The following ZMAT5 variants were observed in gnomAD, a reference collection of about 807,000 sequenced individuals.
ZMAT5 encodes zinc finger matrin-type 5.
In ZMAT5, 23 loss-of-function variants were observed where a neutral mutation model predicts 28.0. The observed-to-expected ratio is 0.82, with a 90% confidence interval of 0.59 to 1.16. The LOEUF is 1.16. Ranked by LOEUF, ZMAT5 falls within the 50% of genes most tolerant of loss-of-function variation. ZMAT5 has a pLI of 0.00. For synonymous variants in ZMAT5, 76 were observed against 84.1 expected, an observed-to-expected ratio of 0.90 and a Z score of 0.52; for missense variants, 173 against 212.7, an observed-to-expected ratio of 0.81 and a Z score of 1.16.
chr22:29,756,012 T>TTG (rs1454180397), intron 1 of ZMAT5, among the ~76,000 whole-genome samples: 7 of 152,252 alleles, frequency 4.6e-5, no homozygotes, highest in Non-Finnish European at 1.0e-4. Context: ...ATTCCTTTCG[T>TTG]TGTGTGTGTC....
At chr22:29,746,977 C>T (rs922987014) in intron 2 of ZMAT5, 1 of 152,238 alleles carries the variant, frequency 6.6e-6, no homozygotes, top group African/African-American at 2.4e-5. Context: ...ACAGCCACGC[C>T]TGGCCTGCTG....
chr22:29,748,484 G>T lies in ZMAT5; in HGVS notation c.61C>A (p.Arg21Ser). ...TGCAGCCCGTTCAGGTGCTTCTTGCGGTTGTGGAGGTTGTCCTGGAAGGAG... is the reference window on the plus strand; with the variant it reads ...TGCAGCCCGTTCAGGTGCTTCTTGCTGTTGTGGAGGTTGTCCTGGAAGGAG... ...DRSFQDNLHN[R>S]KKHLNGLQHL... is the part of the protein sequence containing the mutation. The change falls in exon 2 of 6, where the codon CGC (arginine) becomes AGC (serine). Residue 21 changes from arginine (R) to serine (S), a missense_variant. By Grantham distance (110) the Arg-to-Ser change is moderately radical. Coordinates refer to ENST00000344318, the MANE Select transcript of ZMAT5 (RefSeq NM_001003692.2). 6.2e-7 allele frequency: 1 copy of T among 1,614,256 alleles called. No homozygotes were observed. Among genetic ancestry groups the T allele is most frequent in the Non-Finnish European group, 8.5e-7 (1 of 1,180,050 alleles).
At chr22:29,738,522 A>C in intron 4 of ZMAT5, 81 bp from the exon 5 acceptor site, 1 of 1,293,428 alleles carries the variant, frequency 7.7e-7, no homozygotes, top group South Asian at 1.2e-5. Context: ...AGCAGAAGCA[A>C]CTGGTAGGCC....
intron 1 of ZMAT5, among the ~76,000 whole-genome samples, chr22:29,749,716 G>A (rs956141878): frequency 7.2e-5 from 11 of 152,272 alleles, no homozygotes; most frequent in Middle Eastern, 3.4e-3. Context: ...CAGGTGTCCA[G>A]GGAGAGACCA....
intron 5 of ZMAT5, among the ~76,000 whole-genome samples, chr22:29,733,745 T>C (rs891219110): frequency 1.3e-5 from 2 of 152,168 alleles, no homozygotes; most frequent in East Asian, 3.9e-4. Flanking sequence ...CCTCAGGCCC[T>C]TCCTCTAGAA....
At chr22:29,765,608 G>A (rs1317152205) in intron 1 of ZMAT5, among the ~76,000 whole-genome samples, 1 of 151,496 alleles carries the variant, frequency 6.6e-6, no homozygotes, top group African/African-American at 2.4e-5. Flanking sequence ...GGTGGCTCAC[G>A]CCTGTAATCC....
chr22:29,746,296 C>T (rs2068008254), intron 2 of ZMAT5: 1 of 152,038 alleles, frequency 6.6e-6, no homozygotes, highest in Non-Finnish European at 1.5e-5. Flanking sequence ...TTACAGGAAC[C>T]CACCACCACG....
intron 2 of ZMAT5, among the ~76,000 whole-genome samples, chr22:29,744,716 G>A (rs1170993476): frequency 1.3e-5 from 2 of 152,190 alleles, no homozygotes; most frequent in East Asian, 3.8e-4. Context: ...CCTGACCCCA[G>A]CCACACATCA....
chr22:29,737,901 G>GC (rs140115), intron 5 of ZMAT5, among the ~76,000 whole-genome samples: 117,900 of 151,812 alleles, frequency 0.78, 46,288 homozygotes, highest in East Asian at 0.91. Context: ...TCGTCATCAC[G>GC]CCTGTGCAAT....
intron 3 of ZMAT5, among the ~76,000 whole-genome samples, chr22:29,741,691 C>A (rs2067964207): frequency 6.6e-6 from 1 of 152,142 alleles, no homozygotes; most frequent in Non-Finnish European, 1.5e-5. Flanking sequence ...ACTCTGTTGC[C>A]CAGGTGGGAG....
chr22:29,744,324 G>C (rs902218325), intron 2 of ZMAT5, among the ~76,000 whole-genome samples: 2 of 147,156 alleles, frequency 1.4e-5, no homozygotes, highest in Non-Finnish European at 3.0e-5. Context: ...GGAAAACAGA[G>C]GTTCAGACAA....
At chr22:29,753,132 AG>A (rs1391462869) in intron 1 of ZMAT5, among the ~76,000 whole-genome samples, 1 of 152,210 alleles carries the variant, frequency 6.6e-6, no homozygotes, top group Non-Finnish European at 1.5e-5. Flanking sequence ...CTCTGGAGTC[AG>A]ATGTCAGGGC....
intron 5 of ZMAT5, among the ~76,000 whole-genome samples, chr22:29,736,935 G>A (rs2067910884): frequency 1.3e-5 from 2 of 151,262 alleles, no homozygotes; most frequent in African/African-American, 4.9e-5. Context: ...GCTGAGGCAG[G>A]AGAATGGCGT....
intron 5 of ZMAT5, among the ~76,000 whole-genome samples, chr22:29,734,079 G>A (rs1601713614): frequency 6.6e-6 from 1 of 152,230 alleles, no homozygotes; most frequent in Non-Finnish European, 1.5e-5. Context: ...GGCAGCGCCC[G>A]CCCAGAGAGG....
At chr22:29,734,692 C>T (rs2067887402) in intron 5 of ZMAT5, among the ~76,000 whole-genome samples, 1 of 152,218 alleles carries the variant, frequency 6.6e-6, no homozygotes, top group Non-Finnish European at 1.5e-5. Context: ...ATAGCATGCG[C>T]AAGGTGCTCC....
At chr22:29,739,642 T>C (rs1469537424) in intron 4 of ZMAT5, among the ~76,000 whole-genome samples, 1 of 152,210 alleles carries the variant, frequency 6.6e-6, no homozygotes, top group Non-Finnish European at 1.5e-5. Context: ...CGGCATCGTC[T>C]CCAGTTCCAG....
At chr22:29,752,345 T>C (rs2068062205) in intron 1 of ZMAT5, among the ~76,000 whole-genome samples, 1 of 152,200 alleles carries the variant, frequency 6.6e-6, no homozygotes, top group Non-Finnish European at 1.5e-5. Flanking sequence ...TGTATATGTG[T>C]GGGTGTTCAT....
chr22:29,754,405 C>G (rs1294089707), intron 1 of ZMAT5, among the ~76,000 whole-genome samples: 1 of 152,184 alleles, frequency 6.6e-6, no homozygotes, highest in Non-Finnish European at 1.5e-5. Flanking sequence ...CAAGGGGCAG[C>G]GGGCAAGGCT....
intron 1 of ZMAT5, among the ~76,000 whole-genome samples, chr22:29,757,408 C>A (rs1387955677): frequency 6.6e-6 from 1 of 152,172 alleles, no homozygotes; most frequent in Non-Finnish European, 1.5e-5. Context: ...CCAGTCCCTG[C>A]CACTCTCAGG....
Sources: gnomAD v4.1 joint callset for allele counts (sites outside exome capture counted in the v4.1 genomes callset) on GRCh38, gnomAD v4.1.1 for gene constraint, MANE v1.5 for transcripts, NCBI Gene and HGNC (gene_info 2026-07-23, HGNC 2026-07-21) for gene names.